Variants in ARHGAP10 observed in about 807,000 individuals in gnomAD.
The protein encoded by ARHGAP10 is rho GTPase-activating protein 10.
In ARHGAP10, 87 loss-of-function variants were observed where a neutral mutation model predicts 108.6. That is an observed-to-expected ratio of 0.80 (90% CI 0.67 to 0.96). ARHGAP10 has a LOEUF of 0.96. Ranked by LOEUF, ARHGAP10 falls within the 40% of genes least tolerant of loss-of-function variation. The pLI is 0.00. For missense variants in ARHGAP10, 939 were observed against 954.5 expected, an observed-to-expected ratio of 0.98 and a Z score of 0.21; for synonymous variants, 347 against 341.1, an observed-to-expected ratio of 1.02 and a Z score of -0.19.
intron 12 of ARHGAP10, among the ~76,000 whole-genome samples, chr4:147,912,275 C>T (rs1375495061): frequency 6.6e-6 from 1 of 151,790 alleles, no homozygotes; most frequent in Non-Finnish European, 1.5e-5. Flanking sequence ...CACAGTGGCT[C>T]ACACCTGTAA....
intron 3 of ARHGAP10, among the ~76,000 whole-genome samples, chr4:147,833,924 A>G (rs1341897247): frequency 6.6e-6 from 1 of 152,160 alleles, no homozygotes; most frequent in Non-Finnish European, 1.5e-5. Context: ...AGGAAGGAGG[A>G]GTGACATTGA....
intron 18 of ARHGAP10, among the ~76,000 whole-genome samples, chr4:147,988,941 A>G (rs1740150213): frequency 6.6e-6 from 1 of 152,218 alleles, no homozygotes; most frequent in East Asian, 1.9e-4. Flanking sequence ...AAGACGTTCT[A>G]CTTAAATAAT....
At chr4:147,745,473 A>C (rs1728872802) in intron 1 of ARHGAP10, 1 of 155,176 alleles carries the variant, frequency 6.4e-6, no homozygotes, top group Admixed American at 6.5e-5. Flanking sequence ...GGTCCATCTC[A>C]GAGCACAAAG....
chr4:147,872,720 A>G (rs1734884061), intron 7 of ARHGAP10, among the ~76,000 whole-genome samples: 1 of 152,244 alleles, frequency 6.6e-6, no homozygotes, highest in Non-Finnish European at 1.5e-5. Context: ...TATTACAAAA[A>G]TCATCAGGAA....
intron 20 of ARHGAP10, among the ~76,000 whole-genome samples, chr4:148,052,564 T>A (rs1193565679): frequency 6.6e-6 from 1 of 152,078 alleles, no homozygotes; most frequent in African/African-American, 2.4e-5. Context: ...AGTAGGGGGA[T>A]GATTTCCTAA....
intron 6 of ARHGAP10, 40 bp downstream of exon 6, chr4:147,864,996 T>TAA (rs1734493874): frequency 1.3e-6 from 2 of 1,523,086 alleles, no homozygotes; most frequent in Admixed American, 3.4e-5. Context: ...ATTTTTGCAA[T>TAA]GTAAGATAAG....
At chr4:148,014,153 A>T (rs1451019934) in intron 18 of ARHGAP10, among the ~76,000 whole-genome samples, 1 of 152,218 alleles carries the variant, frequency 6.6e-6, no homozygotes, top group Admixed American at 6.5e-5. Flanking sequence ...ATATTTTATT[A>T]ATGTTAGTCT....
chr4:147,857,851 A>G (rs1734158018), intron 5 of ARHGAP10, 197 bp downstream of exon 5: 2 of 334,516 alleles, frequency 6.0e-6, no homozygotes, highest in African/African-American at 4.3e-5. Context: ...ATAGTGATTA[A>G]TGAGCTATGG....
chr4:148,063,375 T>TG lies in ARHGAP10; in HGVS notation c.2180+76dup, dbSNP rs1729714140. ...GGCTTGATGAACCTGAGCAGGTTCT[T>TG]GTGTTCTCTGCTGGCAAAAGCTTGC... On this transcript the variant is annotated intron_variant, in intron 21 of 22. Coordinates refer to ENST00000336498, the MANE Select transcript of ARHGAP10 (RefSeq NM_024605.4). The TG allele has an allele frequency of 3.8e-6, 6 of 1,570,526 alleles. No individual in the cohort carries two copies. In the East Asian group the frequency reaches 1.4e-4, roughly 36 times the overall value.
At chr4:147,870,928 C>CTGTGTGTGTGTGTG (rs57348496) in intron 7 of ARHGAP10, among the ~76,000 whole-genome samples, 24 of 139,150 alleles carry the variant, frequency 1.7e-4, no homozygotes, top group African/African-American at 4.7e-4. Context: ...AAACTACAGA[C>CTGTGTGTGTGTGTG]TGTGTGTGTG....
intron 1 of ARHGAP10, among the ~76,000 whole-genome samples, chr4:147,819,244 A>C (rs1732384834): frequency 6.6e-6 from 1 of 152,224 alleles, no homozygotes; most frequent in Non-Finnish European, 1.5e-5. Context: ...ATTTTGGATA[A>C]AATAATGAAA....
chr4:148,036,333 A>T, intron 19 of ARHGAP10, among the ~76,000 whole-genome samples: 1 of 152,056 alleles, frequency 6.6e-6, no homozygotes. Flanking sequence ...ATTTCAGTTG[A>T]ATTTGTGATA....
chr4:147,957,529 G>C (rs890972379), intron 16 of ARHGAP10, among the ~76,000 whole-genome samples: 2 of 152,178 alleles, frequency 1.3e-5, no homozygotes, highest in African/African-American at 2.4e-5. Flanking sequence ...ACCTGGTTTT[G>C]CTCAAGTGTC....
At chr4:147,873,518 G>A (rs1371732294) in intron 7 of ARHGAP10, among the ~76,000 whole-genome samples, 2 of 151,750 alleles carry the variant, frequency 1.3e-5, no homozygotes, top group East Asian at 3.9e-4. Flanking sequence ...AAGTCAGGGT[G>A]AAATTATTAC....
chr4:147,840,039 A>G (rs923186878), intron 3 of ARHGAP10, among the ~76,000 whole-genome samples: 4 of 152,196 alleles, frequency 2.6e-5, no homozygotes, highest in Admixed American at 6.5e-5. Context: ...CAGCTCATTT[A>G]GAATCCCAGA....
intron 8 of ARHGAP10, among the ~76,000 whole-genome samples, chr4:147,876,206 G>A (rs779620856): frequency 7.2e-5 from 11 of 152,194 alleles, no homozygotes; most frequent in Non-Finnish European, 1.5e-4. Flanking sequence ...CCTTTTGTGA[G>A]CAGTTGTATG....
At chr4:148,017,499 T>A (rs1044229768) in intron 18 of ARHGAP10, among the ~76,000 whole-genome samples, 1 of 151,776 alleles carries the variant, frequency 6.6e-6, no homozygotes, top group African/African-American at 2.4e-5. Flanking sequence ...ATATAAATAA[T>A]TAATAGGTAA....
intron 10 of ARHGAP10, among the ~76,000 whole-genome samples, chr4:147,896,317 TC>T (rs1396795245): frequency 6.6e-6 from 1 of 152,182 alleles, no homozygotes; most frequent in Non-Finnish European, 1.5e-5. Context: ...ACCTATGAAG[TC>T]ATCTTTGCCT....
intron 5 of ARHGAP10, chr4:147,858,267 A>T (rs940080223): frequency 6.6e-6 from 1 of 152,224 alleles, no homozygotes; most frequent in Non-Finnish European, 1.5e-5. Flanking sequence ...GTTGTTTACA[A>T]TTCAAAACAA....
Sources: gnomAD v4.1 joint callset for allele counts (sites outside exome capture counted in the v4.1 genomes callset) on GRCh38, gnomAD v4.1.1 for gene constraint, MANE v1.5 for transcripts, NCBI Gene and HGNC (gene_info 2026-07-23, HGNC 2026-07-21) for gene names.